Variants in FBXO34 observed in about 807,000 individuals in gnomAD.
The protein encoded by FBXO34 is F-box only protein 34.
Under a neutral mutation model 24.5 loss-of-function variants are expected in FBXO34, and 12 were observed. That is an observed-to-expected ratio of 0.49 (90% CI 0.31 to 0.79). The LOEUF is 0.79. FBXO34 is among the 30% of genes least tolerant of loss of function. The pLI is 0.04. For missense variants in FBXO34, 823 were observed against 857.7 expected (o/e 0.96, Z 0.51); for synonymous variants, 320 against 311.9 (o/e 1.03, Z -0.27).
chr14:55,434,178 C>T, the FBXO34 span, among the ~76,000 whole-genome samples: 1 of 152,166 alleles, frequency 6.6e-6, no homozygotes. Flanking sequence ...CTCACCAAGA[C>T]TTCAGAATGT....
the FBXO34 span, among the ~76,000 whole-genome samples, chr14:55,428,050 C>T: frequency 1.3e-5 from 2 of 148,836 alleles, no homozygotes; most frequent in African/African-American, 4.9e-5. Flanking sequence ...CATCTTCTCC[C>T]CAATCCATTC....
chr14:55,278,967 G>A (rs922973342), intron 1 of FBXO34, among the ~76,000 whole-genome samples: 3 of 152,134 alleles, frequency 2.0e-5, no homozygotes, highest in Admixed American at 6.5e-5. Flanking sequence ...GATTATAGGC[G>A]TGAGCCACCA....
intron 1 of FBXO34, among the ~76,000 whole-genome samples, chr14:55,304,038 A>C (rs1307953514): frequency 6.6e-6 from 1 of 152,200 alleles, no homozygotes; most frequent in African/African-American, 2.4e-5. Flanking sequence ...GGGAAAGAAT[A>C]GTGTTTGGAT....
At chr14:55,305,735 A>G (rs1043179352) in intron 1 of FBXO34, among the ~76,000 whole-genome samples, 1 of 152,112 alleles carries the variant, frequency 6.6e-6, no homozygotes, top group East Asian at 1.9e-4. Context: ...AGTCAGCAAT[A>G]AAATTACGTT....
chr14:55,379,804 C>A, the FBXO34 span, among the ~76,000 whole-genome samples: 53 of 152,298 alleles, frequency 3.5e-4, 1 homozygote, highest in African/African-American at 1.2e-3. Context: ...ATCACTGCAA[C>A]CTCCAGCTCC....
the FBXO34 span, among the ~76,000 whole-genome samples, chr14:55,379,954 A>C: frequency 6.6e-6 from 1 of 152,218 alleles, no homozygotes; most frequent in Non-Finnish European, 1.5e-5. Context: ...AACAACAAAC[A>C]AAAAGAATTC....
the FBXO34 span, among the ~76,000 whole-genome samples, chr14:55,398,759 T>C: frequency 2.0e-5 from 3 of 152,116 alleles, no homozygotes; most frequent in African/African-American, 4.8e-5. Flanking sequence ...TCTATAAATG[T>C]CTTCTAGATC....
the FBXO34 span, among the ~76,000 whole-genome samples, chr14:55,409,588 T>C: frequency 6.6e-6 from 1 of 150,554 alleles, no homozygotes; most frequent in Non-Finnish European, 1.5e-5. Flanking sequence ...GAGGCAGCCC[T>C]GAAGATTTCT....
At chr14:55,439,180 C>T in the FBXO34 span, among the ~76,000 whole-genome samples, 1 of 151,728 alleles carries the variant, frequency 6.6e-6, no homozygotes, top group Non-Finnish European at 1.5e-5. Flanking sequence ...CTCAAATGAG[C>T]CACGTGCCTC....
At chr14:55,319,101 C>T (rs1391689533) in intron 1 of FBXO34, among the ~76,000 whole-genome samples, 1 of 152,194 alleles carries the variant, frequency 6.6e-6, no homozygotes, top group East Asian at 1.9e-4. Context: ...CCTATTATTC[C>T]TATGGATTAA....
At chr14:55,315,948 C>G (rs1043389499) in intron 1 of FBXO34, among the ~76,000 whole-genome samples, 4 of 152,070 alleles carry the variant, frequency 2.6e-5, no homozygotes, top group Admixed American at 2.6e-4. Flanking sequence ...TTAGTTTTCT[C>G]TTGAACCTTG....
intron 1 of FBXO34, among the ~76,000 whole-genome samples, chr14:55,319,640 A>T (rs1434339656): frequency 6.6e-6 from 1 of 152,126 alleles, no homozygotes; most frequent in Non-Finnish European, 1.5e-5. Flanking sequence ...TATGCACAGG[A>T]CCAACATTCT....
chr14:55,427,880 CTTTT>C, the FBXO34 span, among the ~76,000 whole-genome samples: 4 of 130,886 alleles, frequency 3.1e-5, no homozygotes, highest in Non-Finnish European at 1.6e-5. Flanking sequence ...GTTAGGATTG[CTTTT>C]TTTTTTTTTT....
At chr14:55,401,118 G>A in the FBXO34 span, among the ~76,000 whole-genome samples, 8,735 of 151,816 alleles carry the variant, frequency 0.058, 320 homozygotes, top group South Asian at 0.084. Flanking sequence ...AATCTGATTG[G>A]CCTCCCATCC....
At chr14:55,412,505 T>TA in the FBXO34 span, among the ~76,000 whole-genome samples, 1 of 152,242 alleles carries the variant, frequency 6.6e-6, no homozygotes, top group African/African-American at 2.4e-5. Context: ...GGCCATGCTC[T>TA]AAGAGAATTT....
At chr14:55,426,018 AG>A in the FBXO34 span, among the ~76,000 whole-genome samples, 1 of 152,326 alleles carries the variant, frequency 6.6e-6, no homozygotes, top group African/African-American at 2.4e-5. Context: ...CTGTAATCCT[AG>A]TACTTGGGAA....
chr14:55,435,782 A>G, the FBXO34 span: 2 of 1,203,406 alleles, frequency 1.7e-6, no homozygotes, highest in Non-Finnish European at 2.3e-6. Flanking sequence ...CAATATCATG[A>G]TCATATTAAG....
chr14:55,394,950 TA>T, the FBXO34 span: 30 of 393,860 alleles, frequency 7.6e-5, no homozygotes, highest in Admixed American at 1.9e-4. Flanking sequence ...TTTCACCTCC[TA>T]AAAAAAAGCA....
At chr14:55,295,547 A>G (rs950755453) in intron 1 of FBXO34, among the ~76,000 whole-genome samples, 1 of 151,998 alleles carries the variant, frequency 6.6e-6, no homozygotes, top group African/African-American at 2.4e-5. Context: ...GGCATGCACC[A>G]CCATGCCCAG....
Sources: allele counts gnomAD v4.1 joint callset (sites outside exome capture counted in the v4.1 genomes callset), GRCh38; gene constraint gnomAD v4.1.1; transcripts MANE v1.5; gene names NCBI Gene and HGNC (gene_info 2026-07-23, HGNC 2026-07-21).